ACSM3: variants seen among roughly 807,000 people sequenced by gnomAD.
ACSM3 encodes acyl-CoA synthetase medium chain family member 3, also known as acyl-coenzyme A synthetase ACSM3, mitochondrial.
ACSM3 carries 61 observed loss-of-function variants against 74.1 expected under a neutral mutation model. That is an observed-to-expected ratio of 0.82 (90% CI 0.67 to 1.02). ACSM3 has a LOEUF of 1.02. Among genes scored for constraint, ACSM3 ranks in the 50% least tolerant of loss-of-function variants. The probability of loss-of-function intolerance (pLI) is 0.00; values close to 1 mark genes in which losing one functional copy is unlikely to be tolerated. For missense variants in ACSM3, 660 were observed against 697.0 expected (o/e 0.95, Z 0.60); for synonymous variants, 213 against 241.5 (o/e 0.88, Z 1.09).
upstream of ACSM3, among the ~76,000 whole-genome samples, chr16:20,760,780 T>C (rs12708638): frequency 0.43 from 64,911 of 152,140 alleles, 16,398 homozygotes; most frequent in Non-Finnish European, 0.58. Context: ...TAGGTTATAG[T>C]TGATTTCATT....
At chr16:20,688,227 C>T (rs971524431) in intron 1 of ACSM3, among the ~76,000 whole-genome samples, 2 of 151,854 alleles carry the variant, frequency 1.3e-5, no homozygotes, top group African/African-American at 2.4e-5. Flanking sequence ...TAAACATAGA[C>T]AGGTCATTTA....
intron 12 of ACSM3, among the ~76,000 whole-genome samples, chr16:20,794,592 A>G (rs1042018616): frequency 1.3e-5 from 2 of 152,246 alleles, no homozygotes; most frequent in Non-Finnish European, 2.9e-5. Context: ...TTTTGCATAG[A>G]ATTTCATAGA....
Position 20,777,061 on chromosome 16 carries a change from TACTC to T in ACSM3, c.431-310_431-307del, listed in dbSNP as rs141252340. 6.6e-3 allele frequency among the ~76,000 whole-genome samples: 1,012 copies of T among 152,344 alleles called. 18 individuals carry two copies. The highest frequency in any genetic ancestry group is 0.023 in the African/African-American group (951 of 41,586). ...GAATAAGTTAAAACATATAATCAAA[TACTC>T]AATAAATATTGGTTAATATTACTTT... On this transcript the variant is annotated intron_variant, in intron 3 of 13. Transcript: ENST00000289416.
intron 10 of ACSM3, 55 bp from the exon 11 acceptor site, chr16:20,791,947 A>G (rs2080608360): frequency 6.3e-7 from 1 of 1,580,420 alleles, no homozygotes; most frequent in African/African-American, 1.4e-5. Context: ...AAAAAATTCC[A>G]ATTGACCAGA....
chr16:20,728,672 G>A (rs1338656822), intron 1 of ACSM3, among the ~76,000 whole-genome samples: 1 of 151,896 alleles, frequency 6.6e-6, no homozygotes, highest in Admixed American at 6.6e-5. Context: ...TAACAAACTG[G>A]TTGCAGTGGT....
rs771469053 is a variant in ACSM3 at position 20,792,130 on chromosome 16, G to A, written c.1454+1G>A. 4.3e-6 allele frequency: 7 copies of A among 1,613,948 alleles called. No individual in the cohort carries two copies. The South Asian group carries it at 4.4e-5, about 10-fold the overall frequency. On this transcript the variant is annotated splice_donor_variant, in intron 11 of 13. Transcript: ENST00000289416. LOFTEE classifies it high-confidence loss of function. The stretch of plus-strand genomic sequence containing the variant: ...CAGATGATGTCATATTATCCTCTGG[G>A]TAACTTTCTTTTCCATATGTGCATA...
At chr16:20,781,575 A>G in intron 6 of ACSM3, 133 bp from the exon 7 acceptor site, 2 of 754,484 alleles carry the variant, frequency 2.7e-6, no homozygotes, top group South Asian at 3.1e-5. Context: ...CTGAGGGATG[A>G]TTCTACAAGA....
At chr16:20,716,972 G>A (rs145743780) in intron 1 of ACSM3, among the ~76,000 whole-genome samples, 15 of 152,238 alleles carry the variant, frequency 9.9e-5, no homozygotes, top group Non-Finnish European at 1.9e-4. Flanking sequence ...AAATACAAGC[G>A]ACTAAAACAA....
At chr16:20,761,370 A>G (rs141115811), upstream of ACSM3, among the ~76,000 whole-genome samples, 4 of 152,340 alleles carry the variant, frequency 2.6e-5, no homozygotes, top group East Asian at 1.9e-4. Context: ...ATCCTTAACC[A>G]TGGCAAAATA....
At chr16:20,777,268 TA>T in intron 3 of ACSM3, 104 bp from the exon 4 acceptor site, 1 of 1,067,340 alleles carries the variant, frequency 9.4e-7, no homozygotes, top group South Asian at 1.7e-5. Context: ...GTAAACTGAC[TA>T]ACTCACTCTG....
chr16:20,679,691 C>A (rs2079397759), intron 1 of ACSM3: 1 of 152,164 alleles, frequency 6.6e-6, no homozygotes, highest in African/African-American at 2.4e-5. Flanking sequence ...ATAGTTAAAA[C>A]TCTACTGTAC....
At chr16:20,781,686 G>A in intron 6 of ACSM3, 22 bp from the exon 7 acceptor site, 3 of 1,578,510 alleles carry the variant, frequency 1.9e-6, no homozygotes, top group Non-Finnish European at 2.6e-6. Flanking sequence ...AAGACCAAGA[G>A]TTTGCTTTTT....
chr16:20,689,992 C>G (rs1368689170), intron 1 of ACSM3, among the ~76,000 whole-genome samples: 2 of 152,206 alleles, frequency 1.3e-5, no homozygotes, highest in South Asian at 2.1e-4. Context: ...TAACAGTACA[C>G]ATCTAATTAG....
chr16:20,739,205 T>C, intron 1 of ACSM3: 3 of 879,936 alleles, frequency 3.4e-6, no homozygotes, highest in Non-Finnish European at 5.1e-6. Flanking sequence ...AGATGGAGTC[T>C]CGCTTTGCCT....
chr16:20,791,990 T>C lies in ACSM3; in HGVS notation c.1327-12T>C, dbSNP rs747080513. ...GATTCACCATAACAACAAAATGCTA[T>C]TTGTTTTGCAGGATAATCCTTCAAA... On this transcript the variant is annotated splice_polypyrimidine_tract_variant and intron_variant, in intron 10 of 13. Transcript: ENST00000289416. 1.5e-5 allele frequency: 25 copies of C among 1,613,422 alleles called. 1 individual carries two copies. In the South Asian group the frequency reaches 2.5e-4, roughly 16 times the overall value.
At chr16:20,757,804 C>G (rs1276727142) in intron 3 of ACSM3, among the ~76,000 whole-genome samples, 1 of 151,432 alleles carries the variant, frequency 6.6e-6, no homozygotes, top group East Asian at 1.9e-4. Context: ...TTTTGAGATA[C>G]GTCCCATCAA....
chr16:20,718,296 G>T (rs374232171), intron 1 of ACSM3: 125 of 467,760 alleles, frequency 2.7e-4, no homozygotes, highest in African/African-American at 2.2e-3. Flanking sequence ...AGAAATATCA[G>T]AGTTAAACTG....
At chr16:20,721,216 G>A (rs566018209) in intron 1 of ACSM3, 17 of 152,246 alleles carry the variant, frequency 1.1e-4, no homozygotes, top group East Asian at 3.9e-4. Flanking sequence ...CCTATTTTTC[G>A]GATGTCTTGT....
intron 1 of ACSM3, among the ~76,000 whole-genome samples, chr16:20,691,838 T>G (rs2079657119): frequency 6.6e-6 from 1 of 151,576 alleles, no homozygotes; most frequent in Non-Finnish European, 1.5e-5. Flanking sequence ...TCAGGCTGTC[T>G]CCCTCTGGTG....
Sources: allele counts gnomAD v4.1 joint callset (sites outside exome capture counted in the v4.1 genomes callset), GRCh38; gene constraint gnomAD v4.1.1; transcripts MANE v1.5; gene names NCBI Gene and HGNC (gene_info 2026-07-23, HGNC 2026-07-21).